Variants in TP63 observed in about 807,000 individuals in gnomAD.
TP63 encodes tumor protein 63.
In TP63, 17 loss-of-function variants were observed where a neutral mutation model predicts 82.8. The observed-to-expected ratio is 0.21, with a 90% CI of 0.14 to 0.31. The LOEUF is 0.31. Among genes scored for constraint, TP63 ranks in the 10% least tolerant of loss-of-function variants. The pLI, the probability that TP63 is intolerant of heterozygous loss-of-function variation, is 1.00. For synonymous variants in TP63, 330 were observed against 321.7 expected (o/e 1.03, Z -0.28); for missense variants, 648 against 895.3 (o/e 0.72, Z 3.52).
At chr3:189,686,855 C>T (rs1174335052) in intron 1 of TP63, among the ~76,000 whole-genome samples, 8 of 151,530 alleles carry the variant, frequency 5.3e-5, no homozygotes, top group African/African-American at 1.9e-4. Context: ...CTCAGCCTCC[C>T]GAGTAGCTGG....
At chr3:189,659,264 G>A (rs184011206) in intron 1 of TP63, among the ~76,000 whole-genome samples, 103 of 151,818 alleles carry the variant, frequency 6.8e-4, no homozygotes, top group East Asian at 6.6e-3. Flanking sequence ...TTATGTCCCC[G>A]TATACCCAAT....
rs372434662 is a variant in TP63 at position 189,738,901 on chromosome 3, C to A, written c.324+127C>A. ...TGGCCAAGGCCTTTGGGAAGAGAGT[C>A]TATGTTGTTAGCTGAGAGAAGATTT... is the stretch of plus-strand genomic sequence containing the variant. On this transcript the variant is annotated intron_variant, in intron 3 of 13. Transcript: ENST00000264731. 1.8e-4 allele frequency: 252 copies of A among 1,376,288 alleles called. No individual in the cohort carries two copies. The East Asian group carries it at 5.3e-3, about 29-fold the overall frequency. The allele number at this position is 1,376,288 out of a possible 1,614,324, so 85.3% of individuals were successfully genotyped here.
At chr3:189,866,503 T>TG (rs1169243436) in intron 5 of TP63, among the ~76,000 whole-genome samples, 179 bp from the exon 6 acceptor site, 1 of 152,236 alleles carries the variant, frequency 6.6e-6, no homozygotes, top group South Asian at 2.1e-4. Flanking sequence ...ATAAAGGTTA[T>TG]GACACCTTCA....
At chr3:189,679,797 T>C (rs1715752785) in intron 1 of TP63, among the ~76,000 whole-genome samples, 1 of 152,190 alleles carries the variant, frequency 6.6e-6, no homozygotes, top group South Asian at 2.1e-4. Context: ...GGTATTTATA[T>C]TTGGCATAAA....
At chr3:189,824,518 CCACCG>C (rs1729133338) in intron 4 of TP63, among the ~76,000 whole-genome samples, 1 of 152,134 alleles carries the variant, frequency 6.6e-6, no homozygotes, top group Non-Finnish European at 1.5e-5. Context: ...CAGGAGTGAG[CCACCG>C]TGCCTAGCCT....
intron 1 of TP63, among the ~76,000 whole-genome samples, chr3:189,690,404 G>A (rs572492303): frequency 6.6e-6 from 1 of 152,270 alleles, no homozygotes; most frequent in Non-Finnish European, 1.5e-5. Context: ...AACTCAGGAC[G>A]TCTATTTCTT....
At chr3:189,757,648 CA>C (rs1349775890) in intron 3 of TP63, among the ~76,000 whole-genome samples, 1 of 151,874 alleles carries the variant, frequency 6.6e-6, no homozygotes, top group African/African-American at 2.4e-5. Flanking sequence ...TTTGTTTTTC[CA>C]AAAAATATGA....
chr3:189,837,738 C>T (rs981723023), intron 4 of TP63, among the ~76,000 whole-genome samples: 1 of 152,126 alleles, frequency 6.6e-6, no homozygotes, highest in African/African-American at 2.4e-5. Flanking sequence ...GTGGCCACTA[C>T]CTCTCAGGCT....
In TP63 at chr3:189,633,179, G is replaced by A. The variant is rs143689506; in HGVS notation, c.62+1602G>A. The stretch of plus-strand genomic sequence containing the variant: ...AGTTCATGAAGCAAATGTCATCTCA[G>A]TTTTTGACATACTGTAATATTCTAA... On this transcript the variant is annotated intron_variant, in intron 1 of 13. Transcript: ENST00000264731. 6.6e-3 allele frequency among the ~76,000 whole-genome samples: 996 copies of A among 151,994 alleles called. 8 individuals are homozygous for A. Among genetic ancestry groups the A allele is most frequent in the Middle Eastern group, 0.017 (5 of 294 alleles).
intron 1 of TP63, among the ~76,000 whole-genome samples, chr3:189,697,166 A>C (rs1717438226): frequency 6.6e-6 from 1 of 151,194 alleles, no homozygotes; most frequent in South Asian, 2.1e-4. Context: ...TAAAATTTTT[A>C]CATTGAGTTC....
chr3:189,864,519 C>CCTG, intron 5 of TP63, 101 bp downstream of exon 5: 1 of 854,234 alleles, frequency 1.2e-6, no homozygotes, highest in South Asian at 2.2e-5. Flanking sequence ...GACTTCTGCA[C>CCTG]TCCGATGGCA....
intron 10 of TP63, chr3:189,881,332 G>T (rs963076398): frequency 6.2e-5 from 61 of 985,072 alleles, no homozygotes; most frequent in Non-Finnish European, 7.1e-5. Flanking sequence ...CATATTTTAA[G>T]ATAATAGCAT....
At chr3:189,841,686 TCTGAAC>T (rs1213941191) in intron 4 of TP63, among the ~76,000 whole-genome samples, 6 of 152,212 alleles carry the variant, frequency 3.9e-5, no homozygotes, top group African/African-American at 1.2e-4. Flanking sequence ...ATGAATGGTT[TCTGAAC>T]GTGTTTCTGT....
In TP63 at chr3:189,807,916, A is replaced by G. The variant is rs572863335; in HGVS notation, c.325-356A>G. On this transcript the variant is annotated intron_variant, in intron 3 of 13. Transcript: ENST00000264731. ...CCCAACCCCCACCAACAACCTCAAA[A>G]TGGAATAGCAGGCAGTATTTATTTA... Among the ~76,000 whole-genome samples the G allele has an allele frequency of 2.0e-5, 3 of 152,310 alleles. No homozygotes were observed. The South Asian group carries it at 6.2e-4, about 32-fold the overall frequency.
rs761041436 is a variant in TP63, at chr3:189,889,415, C to A, written c.1583C>A (p.Pro528Gln). 3 of 1,614,018 alleles carry A rather than the reference C, an allele frequency of 1.9e-6. No homozygotes were observed. The highest frequency in any genetic ancestry group is 3.3e-5 in the Admixed American group (2 of 60,010). The change falls in exon 12 of 14, where the codon CCA becomes CAA. Residue 528 changes from proline to glutamine, a missense_variant. Pro to Gln is a moderately conservative substitution (Grantham distance 76, BLOSUM62 -1). Transcript: ENST00000264731. ...GLSPTQALPPPLSMPSTSHCT... is the reference protein window; with the variant it reads ...GLSPTQALPPQLSMPSTSHCT... ...AGCCCCACCCAGGCACTCCCTCCCCCACTCTCCATGCCATCCACCTCCCAC... is the reference window on the plus strand; with the variant it reads ...AGCCCCACCCAGGCACTCCCTCCCCAACTCTCCATGCCATCCACCTCCCAC...
At chr3:189,864,521 C>A in intron 5 of TP63, 103 bp downstream of exon 5, 1 of 965,950 alleles carries the variant, frequency 1.0e-6, no homozygotes, top group Non-Finnish European at 1.5e-6. Flanking sequence ...CTTCTGCACT[C>A]CGATGGCAGA....
chr3:189,724,977 G>A (rs35385157), intron 1 of TP63, among the ~76,000 whole-genome samples: 9,098 of 152,136 alleles, frequency 0.06, 350 homozygotes, highest in Non-Finnish European at 0.078. Flanking sequence ...ACCAGCAATC[G>A]ATTTCTTTTT....
intron 1 of TP63, among the ~76,000 whole-genome samples, chr3:189,656,065 A>G (rs547139195): frequency 1.4e-4 from 22 of 152,220 alleles, no homozygotes; most frequent in Non-Finnish European, 3.1e-4. Context: ...ACAAGATTGT[A>G]TAATAATTGA....
At chr3:189,741,212 A>AC (rs1720960424) in intron 3 of TP63, among the ~76,000 whole-genome samples, 1 of 133,540 alleles carries the variant, frequency 7.5e-6, no homozygotes, top group East Asian at 2.2e-4. Flanking sequence ...GGAAAAAAAA[A>AC]AAAAACCCTG....
Sources: gnomAD v4.1 joint callset for allele counts (sites outside exome capture counted in the v4.1 genomes callset) on GRCh38, gnomAD v4.1.1 for gene constraint, MANE v1.5 for transcripts, NCBI Gene and HGNC (gene_info 2026-07-23, HGNC 2026-07-21) for gene names.